PDZRN3: variants seen among roughly 807,000 people sequenced by gnomAD.
PDZRN3 encodes the protein PDZ domain containing ring finger 3.
Under a neutral mutation model 85.7 loss-of-function variants are expected in PDZRN3, and 38 were observed. The ratio of observed to expected loss-of-function variants is 0.44; its 90% confidence interval spans 0.34 to 0.58. The LOEUF (loss-of-function observed/expected upper bound fraction) is 0.58, where lower values mean the gene tolerates loss of function less well. PDZRN3 is among the 20% of genes least tolerant of loss of function. PDZRN3 has a pLI of 0.01. For synonymous variants in PDZRN3, 759 were observed against 638.0 expected (o/e 1.19, Z -2.86); for missense variants, 1,629 against 1,506.4 (o/e 1.08, Z -1.35).
Position 73,411,564 on chromosome 3 carries a change from T to A in PDZRN3, c.919-7169A>T, listed in dbSNP as rs571936687. ...ACGCAGAAGTGCTCGTATGGGCTGG[T>A]GGTGGTCCTGCTTCTGGCTTTCACT... On this transcript the variant is annotated intron_variant, in intron 3 of 9. Coordinates refer to ENST00000263666, the MANE Select transcript of PDZRN3 (RefSeq NM_015009.3). 3.3e-5 allele frequency among the ~76,000 whole-genome samples: 5 copies of A among 150,888 alleles called. No homozygotes were observed. The South Asian group carries it at 1.0e-3, about 31-fold the overall frequency.
chr3:73,488,608 C>T (rs1703709999), intron 3 of PDZRN3, among the ~76,000 whole-genome samples: 1 of 152,176 alleles, frequency 6.6e-6, no homozygotes, highest in Non-Finnish European at 1.5e-5. Flanking sequence ...TTTCTTTGTC[C>T]TGACCTCTTT....
intron 3 of PDZRN3, among the ~76,000 whole-genome samples, chr3:73,420,402 A>G (rs1287843609): frequency 6.6e-6 from 1 of 152,188 alleles, no homozygotes; most frequent in Non-Finnish European, 1.5e-5. Context: ...CTGCCAGTGG[A>G]TGCCCCTACT....
rs547661161 is a variant in PDZRN3, at chr3:73,447,323, G to A, written c.919-42928C>T. 1.3e-4 allele frequency among the ~76,000 whole-genome samples: 19 copies of A among 151,878 alleles called. No homozygotes were observed. The South Asian group carries it at 3.8e-3, about 30-fold the overall frequency. On this transcript the variant is annotated intron_variant, in intron 3 of 9. Transcript: ENST00000263666. ...TCCCAGACCTCCATCCCTCCCACTC[G>A]TGCTGTCTGTCCTAGCTTCCTGTTG...
intron 3 of PDZRN3, among the ~76,000 whole-genome samples, chr3:73,558,075 GTTTT>G (rs935007180): frequency 6.9e-6 from 1 of 145,044 alleles, no homozygotes; most frequent in African/African-American, 2.5e-5. Flanking sequence ...TTTAATATAT[GTTTT>G]TTTTCTTTAG....
intron 8 of PDZRN3, among the ~76,000 whole-genome samples, chr3:73,386,812 C>A (rs1701400940): frequency 6.6e-6 from 1 of 152,050 alleles, no homozygotes; most frequent in Non-Finnish European, 1.5e-5. Flanking sequence ...GCTCATGAGG[C>A]TCCCATCTGT....
chr3:73,517,277 T>C lies in PDZRN3; in HGVS notation c.918+85077A>G, dbSNP rs541935240. ...GTGACTAACTTTTGGCAAGTTATAATACAATTCAGAACAAATCACAGTTTC... is the reference window on the plus strand; with the variant it reads ...GTGACTAACTTTTGGCAAGTTATAACACAATTCAGAACAAATCACAGTTTC... On this transcript the variant is annotated intron_variant, in intron 3 of 9. Transcript: ENST00000263666. Among the ~76,000 whole-genome samples the C allele has an allele frequency of 1.2e-4, 19 of 152,374 alleles. No homozygotes were observed. In the East Asian group the frequency reaches 2.1e-3, roughly 17 times the overall value.
In PDZRN3 at chr3:73,383,443, T is replaced by C; in HGVS notation, c.3123A>G (p.Gln1041=). 1.9e-6 allele frequency: 3 copies of C among 1,614,218 alleles called. No individual in the cohort carries two copies. The highest frequency in any genetic ancestry group is 2.5e-6 in the Non-Finnish European group (3 of 1,180,030). ...ATTTTGTGCCGTGGGTTAAGAGTTCTTGGATCGTCATCCAGTTATCGAAGA... is the reference window on the plus strand; with the variant it reads ...ATTTTGTGCCGTGGGTTAAGAGTTCCTGGATCGTCATCCAGTTATCGAAGA... ...KKIFDNWMTI[Q]ELLTHGTKSP... Residue 1041 remains glutamine (Q), a synonymous_variant, in exon 10 of 10, where the codon CAA becomes CAG. Coordinates refer to ENST00000263666, the MANE Select transcript of PDZRN3 (RefSeq NM_015009.3).
At chr3:73,617,413 AT>A (rs1375261830) in intron 1 of PDZRN3, among the ~76,000 whole-genome samples, 1 of 152,204 alleles carries the variant, frequency 6.6e-6, no homozygotes, top group Non-Finnish European at 1.5e-5. Flanking sequence ...AGGCTAACCC[AT>A]GGCATAAAAG....
At chr3:73,388,307 T>C (rs1701442439) in intron 7 of PDZRN3, among the ~76,000 whole-genome samples, 1 of 152,100 alleles carries the variant, frequency 6.6e-6, no homozygotes, top group African/African-American at 2.4e-5. Flanking sequence ...GAGGTGACTG[T>C]GATGTGTGGG....
At chr3:73,483,941 T>C (rs1266716025) in intron 3 of PDZRN3, among the ~76,000 whole-genome samples, 1 of 152,162 alleles carries the variant, frequency 6.6e-6, no homozygotes, top group Non-Finnish European at 1.5e-5. Context: ...TAGGAAAATA[T>C]ATATCAAATC....
intron 3 of PDZRN3, among the ~76,000 whole-genome samples, chr3:73,474,152 C>T (rs2106891732): frequency 6.6e-6 from 1 of 152,236 alleles, no homozygotes; most frequent in African/African-American, 2.4e-5. Flanking sequence ...GGGGAAAACA[C>T]ACATTAATTT....
intron 3 of PDZRN3, among the ~76,000 whole-genome samples, chr3:73,455,429 T>C (rs1702958533): frequency 6.6e-6 from 1 of 152,222 alleles, no homozygotes; most frequent in African/African-American, 2.4e-5. Flanking sequence ...TGTGCTGACA[T>C]TAAGAAATGG....
At chr3:73,401,187 C>A in intron 4 of PDZRN3, 178 bp from the exon 5 acceptor site, 1 of 559,542 alleles carries the variant, frequency 1.8e-6, no homozygotes, top group Non-Finnish European at 3.2e-6. Context: ...CCTAATTTTA[C>A]CATTTGCCTT....
intron 3 of PDZRN3, among the ~76,000 whole-genome samples, chr3:73,509,198 T>C (rs532729641): frequency 6.6e-6 from 1 of 152,364 alleles, no homozygotes; most frequent in African/African-American, 2.4e-5. Context: ...TTTTCCTTTT[T>C]TACTTTCCAA....
intron 3 of PDZRN3, among the ~76,000 whole-genome samples, chr3:73,588,135 C>T (rs111990060): frequency 3.3e-5 from 5 of 152,196 alleles, no homozygotes; most frequent in African/African-American, 9.6e-5. Context: ...TCTCTGTGTC[C>T]ATGTGTTCTC....
chr3:73,527,203 G>C (rs1704544671), intron 3 of PDZRN3, among the ~76,000 whole-genome samples: 1 of 152,184 alleles, frequency 6.6e-6, no homozygotes. Context: ...CAGTGGTAAG[G>C]ATGAAAGGAG....
At chr3:73,409,106 C>T (rs1701913820) in intron 3 of PDZRN3, among the ~76,000 whole-genome samples, 1 of 152,166 alleles carries the variant, frequency 6.6e-6, no homozygotes, top group African/African-American at 2.4e-5. Flanking sequence ...AAATTATTCA[C>T]CTAAGGCTCT....
In PDZRN3 at chr3:73,569,906, C is replaced by T. The variant is rs367771879; in HGVS notation, c.918+32448G>A. On this transcript the variant is annotated intron_variant, in intron 3 of 9. Transcript: ENST00000263666. The stretch of plus-strand genomic sequence containing the variant: ...AAATGGAAATGACAGTCCTGCTTGC[C>T]CCCTCACAGGGCTGTTTTTAGGATA... 3.6e-4 allele frequency among the ~76,000 whole-genome samples: 55 copies of T among 152,246 alleles called. No homozygotes were observed. The South Asian group carries it at 0.011, about 31-fold the overall frequency.
intron 3 of PDZRN3, among the ~76,000 whole-genome samples, chr3:73,411,427 T>C (rs1056411764): frequency 2.6e-5 from 4 of 152,234 alleles, no homozygotes; most frequent in Non-Finnish European, 5.9e-5. Context: ...TTCTCTGTAG[T>C]ACCCCTGCTT....
Sources: allele counts gnomAD v4.1 joint callset (sites outside exome capture counted in the v4.1 genomes callset), GRCh38; gene constraint gnomAD v4.1.1; transcripts MANE v1.5; gene names NCBI Gene and HGNC (gene_info 2026-07-23, HGNC 2026-07-21).